Variants in CCDC171 observed in about 807,000 individuals in gnomAD.
The protein encoded by CCDC171 is coiled-coil domain containing 171, also known as coiled-coil domain-containing protein 171.
In CCDC171, 177 loss-of-function variants were observed where a neutral mutation model predicts 168.2. The observed-to-expected ratio is 1.05, with a 90% CI of 0.93 to 1.19. The LOEUF is 1.19. Among genes scored for constraint, CCDC171 ranks in the 50% most tolerant of loss-of-function variants. CCDC171 has a pLI of 0.00. For synonymous variants in CCDC171, 687 were observed against 540.8 expected (o/e 1.27, Z -3.75); for missense variants, 1,991 against 1,539.0 (o/e 1.29, Z -4.91).
At chr9:16,046,420 G>T (rs934417883) in intron 1 of CCDC171, among the ~76,000 whole-genome samples, 1 of 152,152 alleles carries the variant, frequency 6.6e-6, no homozygotes, top group Admixed American at 6.5e-5. Flanking sequence ...TTTCTTCCAT[G>T]TGCCACTGAT....
chr9:15,707,983 G>A (rs1276839095), intron 11 of CCDC171, among the ~76,000 whole-genome samples: 2 of 152,148 alleles, frequency 1.3e-5, no homozygotes, highest in Non-Finnish European at 2.9e-5. Context: ...AGGTAGCTGG[G>A]ATTACAGGCA....
At chr9:15,564,496 C>T (rs1344637002) in intron 2 of CCDC171, among the ~76,000 whole-genome samples, 2 of 152,182 alleles carry the variant, frequency 1.3e-5, no homozygotes, top group Non-Finnish European at 2.9e-5. Context: ...TCTTCATTGG[C>T]CCAGCTCTAA....
chr9:15,597,875 A>G (rs1053031579), intron 6 of CCDC171, among the ~76,000 whole-genome samples: 1 of 152,026 alleles, frequency 6.6e-6, no homozygotes, highest in Non-Finnish European at 1.5e-5. Flanking sequence ...TAGTCTTGGG[A>G]GGGTGTATGT....
At chr9:15,798,666 A>T (rs1279274273) in intron 21 of CCDC171, among the ~76,000 whole-genome samples, 1 of 152,174 alleles carries the variant, frequency 6.6e-6, no homozygotes, top group Non-Finnish European at 1.5e-5. Context: ...TTTTATTGAA[A>T]TGCTACTATG....
chr9:15,555,180 A>G (rs1314758981), intron 1 of CCDC171, among the ~76,000 whole-genome samples: 4 of 152,164 alleles, frequency 2.6e-5, no homozygotes, highest in East Asian at 1.9e-4. Context: ...CCTTTTATCT[A>G]TTTTTAAAAA....
intron 24 of CCDC171, among the ~76,000 whole-genome samples, chr9:15,876,296 A>T (rs1311948961): frequency 6.6e-6 from 1 of 152,130 alleles, no homozygotes; most frequent in Non-Finnish European, 1.5e-5. Flanking sequence ...CATAGTTGGA[A>T]AATTAGGAGA....
the CCDC171 span, among the ~76,000 whole-genome samples, chr9:16,101,098 C>G: frequency 6.6e-6 from 1 of 152,220 alleles, no homozygotes; most frequent in African/African-American, 2.4e-5. Context: ...GCCACAGAGG[C>G]CTTCTCTTAT....
intron 6 of CCDC171, among the ~76,000 whole-genome samples, chr9:15,597,700 G>A (rs1587280411): frequency 1.3e-5 from 2 of 152,152 alleles, no homozygotes; most frequent in East Asian, 1.9e-4. Flanking sequence ...CTATTGATTG[G>A]AATAGTTTCA....
chr9:15,750,012 TA>T lies in CCDC171; in HGVS notation c.2671+4389del, dbSNP rs1021271668. On this transcript the variant is annotated intron_variant, in intron 18 of 25. Coordinates refer to ENST00000380701, the MANE Select transcript of CCDC171 (RefSeq NM_173550.4). ...GAGATAGAGACACAAAAAAACCCTTTAAAAAAAATCAGTGAATCCAGGAGCT... is the reference window on the plus strand; with the variant it reads ...GAGATAGAGACACAAAAAAACCCTTTAAAAAAATCAGTGAATCCAGGAGCT... 3.8e-4 allele frequency among the ~76,000 whole-genome samples: 55 copies of T among 143,776 alleles called. No homozygotes were observed. In the East Asian group the frequency reaches 4.2e-3, roughly 11 times the overall value. 94.3% of individuals were successfully genotyped at this position (143,776 alleles called of 152,430 possible).
chr9:15,581,781 C>T (rs991737891), intron 4 of CCDC171, among the ~76,000 whole-genome samples: 1 of 152,048 alleles, frequency 6.6e-6, no homozygotes, highest in African/African-American at 2.4e-5. Context: ...AAAATTAACT[C>T]AAGATGGATT....
At chr9:16,063,242 G>A (rs1421053089), downstream of CCDC171, among the ~76,000 whole-genome samples, 1 of 152,200 alleles carries the variant, frequency 6.6e-6, no homozygotes, top group Non-Finnish European at 1.5e-5. Context: ...AAGACACCAT[G>A]TACAGGGACT....
At chr9:15,880,463 C>CTTTT (rs59892028) in intron 24 of CCDC171, among the ~76,000 whole-genome samples, 1 of 141,028 alleles carries the variant, frequency 7.1e-6, no homozygotes. Context: ...CTCTCTCTCT[C>CTTTT]TTTTTTTTTT....
intron 18 of CCDC171, among the ~76,000 whole-genome samples, chr9:15,777,020 A>C (rs1299713462): frequency 6.6e-6 from 1 of 152,238 alleles, no homozygotes; most frequent in Non-Finnish European, 1.5e-5. Context: ...AATACCAATT[A>C]GTAGAAAGAG....
intron 23 of CCDC171, among the ~76,000 whole-genome samples, chr9:15,866,010 C>G (rs1168868352): frequency 6.6e-6 from 1 of 151,900 alleles, no homozygotes; most frequent in African/African-American, 2.4e-5. Flanking sequence ...GAAAAGTATG[C>G]TAGCAAAGAA....
Position 15,899,469 on chromosome 9 carries a change from C to G in CCDC171, c.3601-20801C>G, listed in dbSNP as rs542079748. Among the ~76,000 whole-genome samples the G allele has an allele frequency of 7.2e-5, 11 of 152,192 alleles. No individual in the cohort carries two copies. In the South Asian group the frequency reaches 2.1e-3, roughly 29 times the overall value. ...TCTCACTATGAATCTTTAAGAGATC[C>G]AGTTTCTCTGCTTCCTCGCCAGCAC... On this transcript the variant is annotated intron_variant, in intron 24 of 25. Transcript: ENST00000380701.
chr9:15,792,893 G>A (rs1002309730), intron 21 of CCDC171, among the ~76,000 whole-genome samples: 2 of 151,898 alleles, frequency 1.3e-5, no homozygotes, highest in Admixed American at 6.6e-5. Context: ...AGACCATCGA[G>A]GCTAGGAAGA....
upstream of CCDC171, among the ~76,000 whole-genome samples, chr9:16,039,356 C>G (rs1370351081): frequency 1.3e-5 from 2 of 152,112 alleles, no homozygotes; most frequent in Non-Finnish European, 2.9e-5. Context: ...AACTTGGCTA[C>G]GATTTTTTTC....
At chr9:16,089,639 T>G in the CCDC171 span, among the ~76,000 whole-genome samples, 1 of 152,056 alleles carries the variant, frequency 6.6e-6, no homozygotes, top group East Asian at 1.9e-4. Flanking sequence ...TAGGGAATAT[T>G]TTCCCCATTG....
intron 25 of CCDC171, among the ~76,000 whole-genome samples, chr9:15,936,434 G>A (rs1272138968): frequency 6.6e-6 from 1 of 151,908 alleles, no homozygotes; most frequent in African/African-American, 2.4e-5. Context: ...CACACAGAGA[G>A]CCAGTTCAGA....
Sources: allele counts gnomAD v4.1 joint callset (sites outside exome capture counted in the v4.1 genomes callset), GRCh38; gene constraint gnomAD v4.1.1; transcripts MANE v1.5; gene names NCBI Gene and HGNC (gene_info 2026-07-23, HGNC 2026-07-21).